Variants in HOOK1 observed in about 807,000 individuals in gnomAD.
HOOK1 encodes the protein hook microtubule tethering protein 1.
HOOK1 carries 60 observed loss-of-function variants against 112.8 expected under a neutral mutation model. The observed-to-expected ratio is 0.53, with a 90% CI of 0.43 to 0.66. The LOEUF is 0.66. HOOK1 is among the 30% of genes least tolerant of loss of function. The pLI, the probability that HOOK1 is intolerant of heterozygous loss-of-function variation, is 0.00. For synonymous variants in HOOK1, 294 were observed against 283.8 expected (o/e 1.04, Z -0.36); for missense variants, 770 against 856.0 (o/e 0.90, Z 1.25).
At chr1:59,827,977 C>G (rs904045506) in intron 2 of HOOK1, among the ~76,000 whole-genome samples, 1 of 152,154 alleles carries the variant, frequency 6.6e-6, no homozygotes, top group Non-Finnish European at 1.5e-5. Flanking sequence ...TTATCACATT[C>G]TCCTTCGAGT....
chr1:59,822,656 A>G (rs1232344731), intron 2 of HOOK1, among the ~76,000 whole-genome samples: 3 of 152,158 alleles, frequency 2.0e-5, no homozygotes, highest in Non-Finnish European at 2.9e-5. Flanking sequence ...TGCACTCACA[A>G]TTTATTAATT....
At chr1:59,823,082 A>C (rs934393899) in intron 2 of HOOK1, among the ~76,000 whole-genome samples, 9 of 152,216 alleles carry the variant, frequency 5.9e-5, no homozygotes, top group African/African-American at 2.2e-4. Context: ...GCACTTCGGG[A>C]GGCCGAGGAG....
rs142418529 is a variant in HOOK1 at position 59,826,784 on chromosome 1, C to T, written c.150-1996C>T. On this transcript the variant is annotated intron_variant, in intron 2 of 21. Coordinates refer to ENST00000371208, the MANE Select transcript of HOOK1 (RefSeq NM_015888.6). ...GCAGATTCTTTTTCTTTTTTTGAGA[C>T]GGAGTTTCGCTCTTGTTGCCCAGGC... Among the ~76,000 whole-genome samples, 140 of 152,184 alleles carry T rather than the reference C, an allele frequency of 9.2e-4. 2 individuals are homozygous for T. In the East Asian group the frequency reaches 0.018, roughly 19 times the overall value.
intron 16 of HOOK1, 56 bp downstream of exon 16, chr1:59,862,933 T>TA: frequency 1.0e-6 from 1 of 958,090 alleles, no homozygotes; most frequent in Admixed American, 1.8e-5. Flanking sequence ...CTTTAATAGA[T>TA]CATGATGTCC....
At position 59,847,311 on chromosome 1, in the gene HOOK1, TCCAGGC is replaced by T. The variant is rs2098404581; in HGVS notation, c.929+127_929+132del. 9 of 803,548 alleles carry T rather than the reference TCCAGGC, an allele frequency of 1.1e-5. No homozygotes were observed. In the South Asian group the frequency reaches 1.7e-4, roughly 16 times the overall value. The allele number at this position is 803,548 out of a possible 1,614,324, so 49.8% of individuals were successfully genotyped here. A position where few individuals can be genotyped will look rare whatever the true frequency, so the allele number is the denominator to read the frequency against. On this transcript the variant is annotated intron_variant, in intron 10 of 21. Coordinates refer to ENST00000371208, the MANE Select transcript of HOOK1 (RefSeq NM_015888.6). ...ATATCAAGTATTGATCAGTTTTTAATCCAGGCTGATAGTTTTAACTTCTTTTATGTT... is the reference window on the plus strand; with the variant it reads ...ATATCAAGTATTGATCAGTTTTTAATTGATAGTTTTAACTTCTTTTATGTT...
At chr1:59,866,913 G>A (rs1310041336) in intron 19 of HOOK1, among the ~76,000 whole-genome samples, 3 of 151,846 alleles carry the variant, frequency 2.0e-5, no homozygotes, top group East Asian at 1.9e-4. Context: ...CTTTATTTTG[G>A]TTTATTATCT....
chr1:59,863,827 A>G, intron 16 of HOOK1: 1 of 967,358 alleles, frequency 1.0e-6, no homozygotes, highest in Non-Finnish European at 1.2e-6. Context: ...GAAAATAGAA[A>G]TCGTCTCATG....
chr1:59,839,776 A>G (rs2098400000), intron 7 of HOOK1, among the ~76,000 whole-genome samples: 1 of 152,156 alleles, frequency 6.6e-6, no homozygotes, highest in Non-Finnish European at 1.5e-5. Flanking sequence ...CCAGTTTTCA[A>G]AGGGAATGCT....
chr1:59,816,965 T>A (rs957006238), intron 1 of HOOK1, among the ~76,000 whole-genome samples: 13 of 152,184 alleles, frequency 8.5e-5, no homozygotes, highest in Non-Finnish European at 2.9e-5. Flanking sequence ...AGCAAACCTT[T>A]ATCAGTATTC....
At chr1:59,831,331 T>G (rs1474438038) in intron 3 of HOOK1, among the ~76,000 whole-genome samples, 1 of 152,170 alleles carries the variant, frequency 6.6e-6, no homozygotes, top group Non-Finnish European at 1.5e-5. Context: ...TGTGACCTTT[T>G]TGGGGGTCTT....
chr1:59,827,419 C>T (rs181922245), intron 2 of HOOK1, among the ~76,000 whole-genome samples: 203 of 152,240 alleles, frequency 1.3e-3, no homozygotes, highest in African/African-American at 4.6e-3. Flanking sequence ...TCACAACTGG[C>T]GTGACTCCTC....
chr1:59,828,910 T>A, intron 3 of HOOK1, 58 bp downstream of exon 3: 1 of 1,311,698 alleles, frequency 7.6e-7, no homozygotes, highest in Non-Finnish European at 1.1e-6. Context: ...AAGTTAGCAC[T>A]AAGTTAACCA....
chr1:59,873,520 T>G lies in HOOK1; in HGVS notation c.*555T>G, dbSNP rs1180625004. On this transcript the variant is annotated 3_prime_UTR_variant, in exon 22 of 22. Coordinates refer to ENST00000371208, the MANE Select transcript of HOOK1 (RefSeq NM_015888.6). ...CTCTACCTTGTCATGTCATGGAAGA[T>G]ACAACATTTGGAAGATCTGACAATT... 6.6e-6 allele frequency: 1 copy of G among 151,812 alleles called. No homozygotes were observed. Among genetic ancestry groups the G allele is most frequent in the Non-Finnish European group, 1.5e-5 (1 of 67,898 alleles). The allele number at this position is 151,812 out of a possible 1,614,324, so 9.4% of individuals were successfully genotyped here. A position where few individuals can be genotyped will look rare whatever the true frequency, so the allele number is the denominator to read the frequency against.
At chr1:59,832,483 C>A (rs1354880433) in intron 4 of HOOK1, among the ~76,000 whole-genome samples, 1 of 151,882 alleles carries the variant, frequency 6.6e-6, no homozygotes, top group Non-Finnish European at 1.5e-5. Flanking sequence ...TGATTTTGTG[C>A]AATACTATAA....
intron 12 of HOOK1, among the ~76,000 whole-genome samples, chr1:59,851,741 A>G (rs1046236210): frequency 6.6e-6 from 1 of 151,684 alleles, no homozygotes. Context: ...TTCTGATCTT[A>G]GGGGAAAAGC....
intron 9 of HOOK1, among the ~76,000 whole-genome samples, chr1:59,845,340 A>T (rs1255199881): frequency 6.6e-6 from 1 of 151,992 alleles, no homozygotes; most frequent in East Asian, 1.9e-4. Context: ...TATGGAATCT[A>T]CAGTCATTTC....
rs1369854267 is a variant in HOOK1 at position 59,848,364 on chromosome 1, C to G, written c.979C>G (p.Arg327Gly). Residue 327 changes from arginine (R) to glycine (G), a missense_variant, in exon 11 of 22, where the codon CGT becomes GGT. Arg to Gly is a moderately radical substitution (Grantham distance 125, BLOSUM62 -2). Around this residue, in one of 3 missense-constraint regions of HOOK1, gnomAD observed 655 missense variants for 725.9 expected, o/e 0.90. Coordinates refer to ENST00000371208, the MANE Select transcript of HOOK1 (RefSeq NM_015888.6). ...NKLESTVEIYRQKLQDLNDLR... is the reference protein window; with the variant it reads ...NKLESTVEIYGQKLQDLNDLR... ...ACTGGAGTCAACAGTTGAGATATAT[C>G]GTCAGAAGCTACAAGATCTGAATGA... 1.2e-6 allele frequency: 2 copies of G among 1,610,976 alleles called. No individual in the cohort carries two copies. Among genetic ancestry groups the G allele is most frequent in the Non-Finnish European group, 1.7e-6 (2 of 1,177,942 alleles).
At chr1:59,857,785 T>C (rs2102061301) in intron 12 of HOOK1, among the ~76,000 whole-genome samples, 1 of 152,372 alleles carries the variant, frequency 6.6e-6, no homozygotes, top group Non-Finnish European at 1.5e-5. Context: ...CCTAGAAGTT[T>C]GTCATTGGTG....
rs1644113379 is a variant in HOOK1, at chr1:59,875,131, C to T, written c.*2166C>T. On this transcript the variant is annotated 3_prime_UTR_variant, in exon 22 of 22. Coordinates refer to ENST00000371208, the MANE Select transcript of HOOK1 (RefSeq NM_015888.6). ...TCTGCCCCTTTGGTGTTTCTACTTG[C>T]TTATGATTGAGATTTTACAAGCCCT... The T allele has an allele frequency of 6.6e-6, 1 of 152,474 alleles. No homozygotes were observed. The highest frequency in any genetic ancestry group is 2.1e-4 in the South Asian group (1 of 4,834). 9.4% of individuals were successfully genotyped at this position (152,474 alleles called of 1,614,324 possible). A position where few individuals can be genotyped will look rare whatever the true frequency, so the allele number is the denominator to read the frequency against.
Sources: allele counts gnomAD v4.1 joint callset (sites outside exome capture counted in the v4.1 genomes callset), GRCh38; gene constraint gnomAD v4.1.1; regional missense constraint gnomAD v4.1.1; transcripts MANE v1.5; gene names NCBI Gene and HGNC (gene_info 2026-07-23, HGNC 2026-07-21).